TGM7: variants seen among roughly 807,000 people sequenced by gnomAD.
TGM7 encodes the protein transglutaminase 7, also known as protein-glutamine gamma-glutamyltransferase Z.
TGM7 carries 74 observed loss-of-function variants against 79.5 expected under a neutral mutation model. The ratio of observed to expected loss-of-function variants is 0.93; its 90% CI spans 0.77 to 1.13. The LOEUF (loss-of-function observed/expected upper bound fraction) is 1.13. Ranked by LOEUF, TGM7 falls within the 50% of genes most tolerant of loss-of-function variation. TGM7 has a pLI of 0.00. For missense variants in TGM7, 912 were observed against 905.9 expected, an observed-to-expected ratio of 1.01 and a Z score of -0.09; for synonymous variants, 354 against 362.5, an observed-to-expected ratio of 0.98 and a Z score of 0.27.
chr15:43,284,860 C>T lies in TGM7; in HGVS notation c.958G>A (p.Asp320Asn). 1 of 1,614,144 alleles carries T rather than the reference C, an allele frequency of 6.2e-7. No individual in the cohort carries two copies. The highest frequency in any genetic ancestry group is 8.5e-7 in the Non-Finnish European group (1 of 1,180,026). ...DRNLTIDTYY[D>N]RNAEMLSTQK... ...GTTGACAGCATCTCGGCATTTCGGT[C>T]ATAGTACGTATCGATGGTCAAGTTC... Residue 320 changes from aspartate to asparagine, a missense_variant, in exon 7 of 13, where the codon GAC becomes AAC. Coordinates refer to ENST00000452443, the MANE Select transcript of TGM7 (RefSeq NM_052955.3).
chr15:43,280,362 A>G (rs523737), intron 9 of TGM7, among the ~76,000 whole-genome samples: 72,410 of 152,032 alleles, frequency 0.48, 22,030 homozygotes, highest in African/African-American at 0.87. Flanking sequence ...AGTGGCTCAC[A>G]CCTGTAATCC....
chr15:43,287,138 T>C (rs928824395), intron 6 of TGM7, 142 bp downstream of exon 6: 3 of 879,008 alleles, frequency 3.4e-6, no homozygotes, highest in Non-Finnish European at 5.3e-6. Context: ...CTCGAGACTG[T>C]ATGGTGTGCT....
intron 4 of TGM7, among the ~76,000 whole-genome samples, chr15:43,289,867 G>C (rs1163731434): frequency 3.3e-5 from 5 of 152,164 alleles, no homozygotes; most frequent in African/African-American, 9.7e-5. Flanking sequence ...GTCTTCTTTT[G>C]AGAAGTGTCT....
intron 6 of TGM7, among the ~76,000 whole-genome samples, chr15:43,286,079 C>G (rs1596461703): frequency 6.6e-6 from 1 of 152,206 alleles, no homozygotes; most frequent in East Asian, 1.9e-4. Flanking sequence ...TGACAGCGAC[C>G]AATCCTTTTG....
At chr15:43,289,126 T>C (rs557852616) in intron 4 of TGM7, among the ~76,000 whole-genome samples, 2 of 152,136 alleles carry the variant, frequency 1.3e-5, no homozygotes, top group Non-Finnish European at 2.9e-5. Flanking sequence ...GTTAGTTACA[T>C]ATGTATACAT....
At chr15:43,300,365 C>T (rs751790007) in intron 1 of TGM7, among the ~76,000 whole-genome samples, 3 of 152,226 alleles carry the variant, frequency 2.0e-5, no homozygotes, top group Non-Finnish European at 4.4e-5. Flanking sequence ...GTGTCACCTA[C>T]TTAATTAAGT....
chr15:43,289,783 G>A (rs1255716473), intron 4 of TGM7, among the ~76,000 whole-genome samples: 4 of 152,184 alleles, frequency 2.6e-5, no homozygotes, highest in Non-Finnish European at 4.4e-5. Context: ...GTATCTCATT[G>A]TGGTTTTGAT....
rs1340555303 is a variant in TGM7 at position 43,281,852 on chromosome 15, T to A, written c.1343A>T (p.Tyr448Phe). 6.2e-7 allele frequency: 1 copy of A among 1,614,032 alleles called. No homozygotes were observed. The highest frequency in any genetic ancestry group is 1.1e-5 in the South Asian group (1 of 91,078). ...AAATACCCGCCCAGCACCTTCTGGG[T>A]ACTTGTAGGAGCTGGTGATGCTCTG... ...QRQSITSSYK[Y>F]PEGSPEERAV... The change falls in exon 9 of 13, where the codon TAC (tyrosine) becomes TTC (phenylalanine). Residue 448 changes from tyrosine to phenylalanine, a missense_variant. Tyr to Phe is a conservative substitution (Grantham distance 22, BLOSUM62 3). Transcript: ENST00000452443.
Position 43,276,493 on chromosome 15 carries a change from A to T in TGM7, c.2095T>A (p.Tyr699Asn). 1.2e-6 allele frequency: 2 copies of T among 1,614,056 alleles called. No homozygotes were observed. The highest frequency in any genetic ancestry group is 2.2e-5 in the East Asian group (1 of 44,870). ...SSNEVKEIKG[Y>N]KDIFVTVAGA... Reference sequence around the variant, plus strand: ...GCCACAGTGACGAAGATGTCCTTGTAGCCTTTGATCTCCTTGACCTCGTTG... The same window carrying T: ...GCCACAGTGACGAAGATGTCCTTGTTGCCTTTGATCTCCTTGACCTCGTTG... The change falls in exon 13 of 13, where the codon TAC becomes AAC. Residue 699 changes from tyrosine to asparagine, a missense_variant. By Grantham distance (143) the Tyr-to-Asn change is moderately radical (BLOSUM62 -2). Coordinates refer to ENST00000452443, the MANE Select transcript of TGM7 (RefSeq NM_052955.3).
rs755572360 is a variant in TGM7 at position 43,279,732 on chromosome 15, G to T, written c.1571C>A (p.Pro524His). ...RVPDSTHPRG[P>H]IGLVVRFCAQ... ...ACAGAAGCGCACCACCAGTCCGATG[G>T]GCCCCCGAGGGTGGGTGCTGTCTGG... The change falls in exon 10 of 13, where the codon CCC (proline) becomes CAC (histidine). Residue 524 changes from proline (P) to histidine (H), a missense_variant. Coordinates refer to ENST00000452443, the MANE Select transcript of TGM7 (RefSeq NM_052955.3). 15 of 1,613,864 alleles carry T rather than the reference G, an allele frequency of 9.3e-6. 1 individual carries two copies. Among genetic ancestry groups the T allele is most frequent in the Non-Finnish European group, 1.2e-5 (14 of 1,180,034 alleles).
intron 1 of TGM7, among the ~76,000 whole-genome samples, chr15:43,301,724 C>T (rs566621960): frequency 2.0e-5 from 3 of 152,068 alleles, no homozygotes; most frequent in African/African-American, 7.2e-5. Flanking sequence ...GCCCAGCCTG[C>T]GGGGGCCTGT....
chr15:43,294,822 C>T (rs543836754), intron 1 of TGM7, among the ~76,000 whole-genome samples: 32 of 152,212 alleles, frequency 2.1e-4, no homozygotes, highest in African/African-American at 7.2e-4. Flanking sequence ...TATTTGCTCC[C>T]AGCCAGTTTT....
At chr15:43,297,014 G>T (rs770987601) in intron 1 of TGM7, among the ~76,000 whole-genome samples, 2 of 152,158 alleles carry the variant, frequency 1.3e-5, no homozygotes, top group Non-Finnish European at 2.9e-5. Flanking sequence ...AGGCCTTCTT[G>T]TCTTGGCCAC....
At chr15:43,292,461 CTCTT>C (rs2042968250) in intron 3 of TGM7, among the ~76,000 whole-genome samples, 1 of 152,196 alleles carries the variant, frequency 6.6e-6, no homozygotes, top group Non-Finnish European at 1.5e-5. Context: ...TAGCCACTCT[CTCTT>C]TCTGTGCATA....
At position 43,276,769 on chromosome 15, in the gene TGM7, C is replaced by A. The variant is rs560166223; in HGVS notation, c.1973+93G>T. 33 of 1,553,258 alleles carry A rather than the reference C, an allele frequency of 2.1e-5. No homozygotes were observed. In the African/African-American group the frequency reaches 4.2e-4, roughly 20 times the overall value. ...GGGTGAGAAAGTGGGGGCAGAGAGG[C>A]ACTGCACAGGAGACTGAGGAGGGTC... On this transcript the variant is annotated intron_variant, in intron 12 of 12. Transcript: ENST00000452443.
At chr15:43,292,505 T>C (rs538522142) in intron 3 of TGM7, among the ~76,000 whole-genome samples, 1 of 152,232 alleles carries the variant, frequency 6.6e-6, no homozygotes, top group Non-Finnish European at 1.5e-5. Flanking sequence ...TATTAGGAAA[T>C]GTTTCAATGT....
chr15:43,276,835 G>T (rs2042880076), intron 12 of TGM7, 27 bp downstream of exon 12: 1 of 1,610,584 alleles, frequency 6.2e-7, no homozygotes, highest in Non-Finnish European at 8.5e-7. Flanking sequence ...GACCAGCAAG[G>T]GGGAGGTGGG....
At position 43,284,843 on chromosome 15, in the gene TGM7, C is replaced by T; in HGVS notation, c.975G>A (p.Met325Ile). The change falls in exon 7 of 13, where the codon ATG becomes ATA. Residue 325 changes from methionine (M) to isoleucine (I), a missense_variant. By Grantham distance (10) the Met-to-Ile change is conservative. Coordinates refer to ENST00000452443, the MANE Select transcript of TGM7 (RefSeq NM_052955.3). The part of the protein sequence containing the change: ...IDTYYDRNAE[M>I]LSTQKRDKIW... ...TTTTGTCTCGTTTCTGAGTTGACAGCATCTCGGCATTTCGGTCATAGTACG... is the reference window on the plus strand; with the variant it reads ...TTTTGTCTCGTTTCTGAGTTGACAGTATCTCGGCATTTCGGTCATAGTACG... The T allele has an allele frequency of 1.2e-6, 2 of 1,614,188 alleles. No homozygotes were observed. The highest frequency in any genetic ancestry group is 1.1e-5 in the South Asian group (1 of 91,086).
Position 43,289,427 on chromosome 15 carries a change from T to G in TGM7, c.559-1758A>C, listed in dbSNP as rs1317583400. The stretch of plus-strand genomic sequence containing the variant: ...TTTATGGCTGCATAGTATTCCATGG[T>G]GTATATGTGCCACATTTTCTTAATC... On this transcript the variant is annotated intron_variant, in intron 4 of 12. Coordinates refer to ENST00000452443, the MANE Select transcript of TGM7 (RefSeq NM_052955.3). 2.0e-5 allele frequency among the ~76,000 whole-genome samples: 3 copies of G among 152,184 alleles called. No homozygotes were observed. The East Asian group carries it at 5.8e-4, about 29-fold the overall frequency.
Sources: allele counts gnomAD v4.1 joint callset (sites outside exome capture counted in the v4.1 genomes callset), GRCh38; gene constraint gnomAD v4.1.1; transcripts MANE v1.5; gene names NCBI Gene and HGNC (gene_info 2026-07-23, HGNC 2026-07-21).